The following SIPA1L1 variants were observed in gnomAD, a reference collection of about 807,000 sequenced individuals.
SIPA1L1 encodes the protein signal-induced proliferation-associated 1-like protein 1.
In SIPA1L1, 26 loss-of-function variants were observed where a neutral mutation model predicts 162.7. That is an observed-to-expected ratio of 0.16 (90% CI 0.12 to 0.22). SIPA1L1 has a LOEUF of 0.22. Ranked by LOEUF, SIPA1L1 falls within the 10% of genes least tolerant of loss-of-function variation. The pLI, the probability that SIPA1L1 is intolerant of heterozygous loss-of-function variation, is 1.00. For missense variants in SIPA1L1, 1,874 were observed against 2,241.0 expected, an observed-to-expected ratio of 0.84 and a Z score of 3.31; for synonymous variants, 829 against 837.4, an observed-to-expected ratio of 0.99 and a Z score of 0.17.
intron 2 of SIPA1L1, among the ~76,000 whole-genome samples, chr14:71,477,184 C>G (rs1475245309): frequency 6.6e-6 from 1 of 152,104 alleles, no homozygotes; most frequent in Non-Finnish European, 1.5e-5. Flanking sequence ...TTGCTTGAAC[C>G]TGGGAGGTGG....
rs905881641 is a variant in SIPA1L1 at position 71,464,380 on chromosome 14, C to T, written c.-464-48363C>T. Among the ~76,000 whole-genome samples, 7 of 152,330 alleles carry T rather than the reference C, an allele frequency of 4.6e-5. No individual in the cohort carries two copies. The East Asian group carries it at 5.8e-4, about 13-fold the overall frequency. On this transcript the variant is annotated intron_variant, in intron 2 of 23. Transcript: ENST00000381232. The stretch of plus-strand genomic sequence containing the variant: ...AGTCCCGGCCAGGCATGGCAGCTCA[C>T]GCCTGTAATCCCAGCACTTTGGGTC...
intron 9 of SIPA1L1, among the ~76,000 whole-genome samples, chr14:71,660,289 A>G (rs2149234567): frequency 6.6e-6 from 1 of 152,274 alleles, no homozygotes; most frequent in South Asian, 2.1e-4. Context: ...TGTATATCAT[A>G]TTTAGAAATG....
At chr14:71,535,285 A>G (rs1431000829) in intron 4 of SIPA1L1, among the ~76,000 whole-genome samples, 1 of 152,192 alleles carries the variant, frequency 6.6e-6, no homozygotes, top group African/African-American at 2.4e-5. Context: ...AGCTGTGTTC[A>G]TTTTATTTAA....
intron 2 of SIPA1L1, among the ~76,000 whole-genome samples, chr14:71,500,250 AT>A (rs1283907106): frequency 6.6e-6 from 1 of 152,214 alleles, no homozygotes; most frequent in Non-Finnish European, 1.5e-5. Context: ...CAGAGCACTC[AT>A]AACCACAATA....
chr14:71,392,838 A>G (rs1403083870), intron 2 of SIPA1L1, among the ~76,000 whole-genome samples: 1 of 152,120 alleles, frequency 6.6e-6, no homozygotes, highest in East Asian at 1.9e-4. Context: ...CTTTTTATTT[A>G]GCTTACTCCC....
chr14:71,615,802 T>A (rs2038770482), intron 5 of SIPA1L1, among the ~76,000 whole-genome samples: 1 of 151,860 alleles, frequency 6.6e-6, no homozygotes. Flanking sequence ...AGGTCAGGAG[T>A]TCGAGACCAG....
At chr14:71,624,276 T>C in intron 7 of SIPA1L1, 40 bp downstream of exon 7, 1 of 1,527,722 alleles carries the variant, frequency 6.5e-7, no homozygotes, top group Non-Finnish European at 8.9e-7. Flanking sequence ...TTGCTCAGGT[T>C]TATTGCTAGG....
chr14:71,586,228 T>C (rs1248346343), intron 4 of SIPA1L1: 1 of 141,566 alleles, frequency 7.1e-6, no homozygotes, highest in South Asian at 2.2e-4. Context: ...AGCATGCATT[T>C]TTTTTTTTTT....
intron 2 of SIPA1L1, among the ~76,000 whole-genome samples, chr14:71,331,263 G>T (rs2034507662): frequency 6.6e-6 from 1 of 152,106 alleles, no homozygotes; most frequent in East Asian, 1.9e-4. Context: ...CTCTTTGTCT[G>T]TTTTTATGCC....
intron 7 of SIPA1L1, among the ~76,000 whole-genome samples, chr14:71,625,302 CTT>C (rs550881711): frequency 2.0e-4 from 28 of 142,648 alleles, no homozygotes; most frequent in African/African-American, 6.4e-4. Flanking sequence ...TCTCTCTTCT[CTT>C]TTTTTTTTTT....
chr14:71,709,328 A>G lies in SIPA1L1; in HGVS notation c.3872A>G (p.Glu1291Gly), dbSNP rs1458630935. The G allele has an allele frequency of 3.1e-6, 5 of 1,614,066 alleles. No homozygotes were observed. The highest frequency in any genetic ancestry group is 4.2e-6 in the Non-Finnish European group (5 of 1,180,052). The change falls in exon 17 of 24, where the codon GAA (glutamate) becomes GGA (glycine). Residue 1291 changes from glutamate to glycine, a missense_variant. Coordinates refer to ENST00000381232, the MANE Select transcript of SIPA1L1 (RefSeq NM_001386936.1). Reference sequence around the variant, plus strand: ...TACGATGGGGACCGCACAGAATCCGAACTCAACAGCTATAACTATCTGCAA... The same window carrying G: ...TACGATGGGGACCGCACAGAATCCGGACTCAACAGCTATAACTATCTGCAA... Reference protein sequence around the residue: ...KWYDGDRTESELNSYNYLQGT... With the variant: ...KWYDGDRTESGLNSYNYLQGT...
chr14:71,726,575 A>G (rs1370426807), intron 19 of SIPA1L1, among the ~76,000 whole-genome samples: 2 of 152,212 alleles, frequency 1.3e-5, no homozygotes, highest in Admixed American at 1.3e-4. Context: ...CTTGGCTTTT[A>G]TTTCCAAAAT....
At chr14:71,652,642 C>G (rs2042723866) in intron 8 of SIPA1L1, among the ~76,000 whole-genome samples, 1 of 151,610 alleles carries the variant, frequency 6.6e-6, no homozygotes, top group African/African-American at 2.4e-5. Flanking sequence ...TTTTTTCCCC[C>G]TAACCTTTTT....
At chr14:71,514,363 G>A (rs997317350) in intron 3 of SIPA1L1, among the ~76,000 whole-genome samples, 10 of 152,182 alleles carry the variant, frequency 6.6e-5, no homozygotes, top group African/African-American at 2.2e-4. Context: ...ACGCTTGCCT[G>A]AGGCATTCTT....
At chr14:71,712,562 T>C (rs1597161510) in intron 17 of SIPA1L1, among the ~76,000 whole-genome samples, 1 of 151,644 alleles carries the variant, frequency 6.6e-6, no homozygotes, top group African/African-American at 2.4e-5. Context: ...CTAGGAGAGG[T>C]GAAGATAGTA....
chr14:71,478,055 C>T (rs1027347597), intron 2 of SIPA1L1, among the ~76,000 whole-genome samples: 2 of 152,158 alleles, frequency 1.3e-5, no homozygotes, highest in Admixed American at 6.5e-5. Flanking sequence ...TTTTATTTTA[C>T]CCATTTGGAT....
At chr14:71,738,353 T>C (rs1321246378) in intron 23 of SIPA1L1, 28 bp downstream of exon 23, 3 of 1,514,294 alleles carry the variant, frequency 2.0e-6, no homozygotes, top group Non-Finnish European at 2.8e-6. Flanking sequence ...AAGCAAATTG[T>C]CCAGTCTGTA....
chr14:71,547,274 C>T (rs1387357100), intron 4 of SIPA1L1, among the ~76,000 whole-genome samples: 1 of 147,582 alleles, frequency 6.8e-6, no homozygotes, highest in Non-Finnish European at 1.5e-5. Context: ...TAAGATTCGT[C>T]ACTTAATATG....
intron 2 of SIPA1L1, among the ~76,000 whole-genome samples, chr14:71,410,624 C>T (rs938863098): frequency 9.2e-5 from 14 of 152,136 alleles, no homozygotes; most frequent in African/African-American, 3.4e-4. Context: ...TGAGCATTTC[C>T]TTTGAGCACT....
Sources: allele counts gnomAD v4.1 joint callset (sites outside exome capture counted in the v4.1 genomes callset), GRCh38; gene constraint gnomAD v4.1.1; transcripts MANE v1.5; gene names NCBI Gene and HGNC (gene_info 2026-07-23, HGNC 2026-07-21).